TFEC: variants seen among roughly 807,000 people sequenced by gnomAD.
TFEC encodes class E basic helix-loop-helix protein 34.
In TFEC, 31 loss-of-function variants were observed where a neutral mutation model predicts 41.6. That is an observed-to-expected ratio of 0.74 (90% CI 0.56 to 1.01). The LOEUF is 1.01. Ranked by LOEUF, TFEC falls within the 50% of genes least tolerant of loss-of-function variation. The pLI, the probability that TFEC is intolerant of heterozygous loss-of-function variation, is 0.00. For synonymous variants in TFEC, 143 were observed against 140.6 expected, an observed-to-expected ratio of 1.02 and a Z score of -0.12; for missense variants, 402 against 404.1, an observed-to-expected ratio of 0.99 and a Z score of 0.04.
rs550973375 is a variant in TFEC at position 116,100,358 on chromosome 7, G to C, written c.198+10350C>G. ...CAAATCATGTTATTAAGAGTAATTT[G>C]TGAAATTTACTACTCAAGCTATTAT... On this transcript the variant is annotated intron_variant, in intron 3 of 8. Transcript: ENST00000484212. 5.8e-4 allele frequency among the ~76,000 whole-genome samples: 89 copies of C among 152,194 alleles called. 1 individual carries two copies. Among genetic ancestry groups the C allele is most frequent in the African/African-American group, 2.1e-3 (86 of 41,524 alleles).
At chr7:116,047,101 G>A (rs184945243) in intron 3 of TFEC, among the ~76,000 whole-genome samples, 244 of 152,324 alleles carry the variant, frequency 1.6e-3, no homozygotes, top group African/African-American at 2.5e-3. Context: ...CAGTGTGAGC[G>A]ACGCAGAAGG....
intron 1 of TFEC, among the ~76,000 whole-genome samples, chr7:116,128,347 A>T (rs1798257540): frequency 6.6e-6 from 1 of 152,176 alleles, no homozygotes; most frequent in South Asian, 2.1e-4. Context: ...TTATCAATTT[A>T]AAATTTTATA....
At chr7:116,037,498 ATTGAGTCTC>A (rs1448208358) in intron 3 of TFEC, among the ~76,000 whole-genome samples, 2 of 152,034 alleles carry the variant, frequency 1.3e-5, no homozygotes, top group African/African-American at 4.8e-5. Flanking sequence ...TAATATTATA[ATTGAGTCTC>A]TTGGCAAATA....
chr7:115,989,892 C>T (rs1004358752), intron 1 of TFEC, among the ~76,000 whole-genome samples: 6 of 152,194 alleles, frequency 3.9e-5, no homozygotes, highest in African/African-American at 9.7e-5. Context: ...TCTCCCAGCA[C>T]GGAGTCTGAG....
chr7:116,084,583 A>G (rs1040586717), intron 3 of TFEC, among the ~76,000 whole-genome samples: 11 of 151,862 alleles, frequency 7.2e-5, no homozygotes, highest in Admixed American at 4.6e-4. Flanking sequence ...ACTAACTCCA[A>G]TATTACCAGG....
chr7:116,100,435 T>A (rs1402777668), intron 3 of TFEC, among the ~76,000 whole-genome samples: 1 of 152,224 alleles, frequency 6.6e-6, no homozygotes, highest in Non-Finnish European at 1.5e-5. Context: ...ATCCCATTTT[T>A]CAGCATCTTA....
chr7:116,153,133 A>C (rs1182682982), intron 1 of TFEC, among the ~76,000 whole-genome samples: 1 of 152,212 alleles, frequency 6.6e-6, no homozygotes, highest in Non-Finnish European at 1.5e-5. Flanking sequence ...CAGCCTGAAG[A>C]CTGGAAAAAC....
At chr7:116,137,580 A>G (rs1362774944) in intron 1 of TFEC, among the ~76,000 whole-genome samples, 1 of 152,148 alleles carries the variant, frequency 6.6e-6, no homozygotes, top group Non-Finnish European at 1.5e-5. Flanking sequence ...TATTAAGATG[A>G]TTAGAAATGA....
chr7:116,074,761 G>T (rs1171054853), intron 3 of TFEC, among the ~76,000 whole-genome samples: 1 of 151,992 alleles, frequency 6.6e-6, no homozygotes, highest in East Asian at 1.9e-4. Flanking sequence ...CATACATAGG[G>T]TATATATAGA....
At chr7:116,133,596 T>C (rs1216990749) in intron 1 of TFEC, among the ~76,000 whole-genome samples, 5 of 152,102 alleles carry the variant, frequency 3.3e-5, no homozygotes, top group African/African-American at 4.8e-5. Flanking sequence ...AAATGATTTC[T>C]GGGAAACATA....
chr7:116,029,414 G>A (rs79013744), intron 1 of TFEC, among the ~76,000 whole-genome samples: 4,238 of 152,198 alleles, frequency 0.028, 198 homozygotes, highest in African/African-American at 0.095. Context: ...AGAATTGTCC[G>A]AATAATGCTG....
At chr7:116,094,253 TC>T (rs1797396351) in intron 3 of TFEC, among the ~76,000 whole-genome samples, 1 of 152,226 alleles carries the variant, frequency 6.6e-6, no homozygotes, top group African/African-American at 2.4e-5. Flanking sequence ...TGGTTTGAAG[TC>T]AGATGCATAA....
chr7:116,071,499 A>C (rs563602842), intron 3 of TFEC, among the ~76,000 whole-genome samples: 1 of 151,502 alleles, frequency 6.6e-6, no homozygotes, highest in African/African-American at 2.4e-5. Context: ...TTTTAAGAAT[A>C]AGTTGTTAAA....
At chr7:116,003,462 C>CA (rs1209735669) in intron 1 of TFEC, among the ~76,000 whole-genome samples, 1 of 151,832 alleles carries the variant, frequency 6.6e-6, no homozygotes, top group Non-Finnish European at 1.5e-5. Context: ...TTTATATGCC[C>CA]AAAAACAGAA....
intron 1 of TFEC, among the ~76,000 whole-genome samples, chr7:116,155,667 G>A (rs757191800): frequency 1.3e-5 from 2 of 152,166 alleles, no homozygotes; most frequent in African/African-American, 4.8e-5. Context: ...TCCAAAGCAC[G>A]GTCCTCACTT....
intron 1 of TFEC, among the ~76,000 whole-genome samples, chr7:116,128,608 A>C (rs982384301): frequency 6.6e-6 from 1 of 152,214 alleles, no homozygotes; most frequent in Non-Finnish European, 1.5e-5. Flanking sequence ...TTCTCAAAGT[A>C]TGATCATTTG....
At chr7:116,001,287 T>C (rs1353912650) in intron 1 of TFEC, among the ~76,000 whole-genome samples, 1 of 152,106 alleles carries the variant, frequency 6.6e-6, no homozygotes, top group African/African-American at 2.4e-5. Context: ...TCTCTTATCA[T>C]ATGCAAAAAT....
chr7:116,001,804 A>T (rs927578309), intron 1 of TFEC, among the ~76,000 whole-genome samples: 2 of 152,186 alleles, frequency 1.3e-5, no homozygotes, highest in African/African-American at 4.8e-5. Flanking sequence ...CTATAGAAAA[A>T]AATCTAATAA....
intron 3 of TFEC, among the ~76,000 whole-genome samples, chr7:116,101,379 G>A (rs1797601398): frequency 6.6e-6 from 1 of 151,924 alleles, no homozygotes; most frequent in African/African-American, 2.4e-5. Context: ...CTGATAAAAG[G>A]GGAAAAGTTA....
Sources: gnomAD v4.1 joint callset for allele counts (sites outside exome capture counted in the v4.1 genomes callset) on GRCh38, gnomAD v4.1.1 for gene constraint, MANE v1.5 for transcripts, NCBI Gene and HGNC (gene_info 2026-07-23, HGNC 2026-07-21) for gene names.